DCAF4L2: variants seen among roughly 807,000 people sequenced by gnomAD.
DCAF4L2 encodes the protein DDB1- and CUL4-associated factor 4-like protein 2.
In DCAF4L2, 13 loss-of-function variants were observed where a neutral mutation model predicts 15.5. That is an observed-to-expected ratio of 0.84 (90% CI 0.54 to 1.33). DCAF4L2 has a LOEUF of 1.33. Ranked by LOEUF, DCAF4L2 falls within the 40% of genes most tolerant of loss-of-function variation. DCAF4L2 has a pLI of 0.00. For missense variants in DCAF4L2, 519 were observed against 509.6 expected, an observed-to-expected ratio of 1.02 and a Z score of -0.18; for synonymous variants, 251 against 207.0, an observed-to-expected ratio of 1.21 and a Z score of -1.83.
rs1809444715 is a variant in DCAF4L2, at chr8:87,873,604, G to A, written c.368C>T (p.Pro123Leu). 3 of 1,614,226 alleles carry A rather than the reference G, an allele frequency of 1.9e-6. No homozygotes were observed. The highest frequency in any genetic ancestry group is 2.2e-5 in the South Asian group (2 of 91,084). The change falls in exon 1 of 1, where the codon CCT becomes CTT. Residue 123 changes from proline to leucine, a missense_variant. Physicochemically the swap from Pro to Leu is moderately conservative, Grantham distance 98. Transcript: ENST00000319675. Reference protein sequence around the residue: ...RVYPHKTLYVPNRKVNSMCWA... With the variant: ...RVYPHKTLYVLNRKVNSMCWA... Reference sequence around the variant, plus strand: ...GCACATAGAATTCACCTTCCGATTAGGGACGTAGAGGGTTTTGTGCGGGTA... The same window carrying A: ...GCACATAGAATTCACCTTCCGATTAAGGACGTAGAGGGTTTTGTGCGGGTA...
In DCAF4L2 at chr8:87,871,115, A is replaced by G. The variant is rs1271337442; in HGVS notation, c.*1669T>C. 1 of 151,890 alleles carries G rather than the reference A, an allele frequency of 6.6e-6. No individual in the cohort carries two copies. Among genetic ancestry groups the G allele is most frequent in the Non-Finnish European group, 1.5e-5 (1 of 68,012 alleles). The allele number at this position is 151,890 out of a possible 1,614,324, so 9.4% of individuals were successfully genotyped here. A position where few individuals can be genotyped will look rare whatever the true frequency, so the allele number is the denominator to read the frequency against. On this transcript the variant is annotated 3_prime_UTR_variant, in exon 1 of 1. Transcript: ENST00000319675. ...TTGACCTATTCCTCTATCAATATGTAATATTACATTAACCTCATTTATGTC... is the reference window on the plus strand; with the variant it reads ...TTGACCTATTCCTCTATCAATATGTGATATTACATTAACCTCATTTATGTC...
At position 87,873,699 on chromosome 8, in the gene DCAF4L2, T is replaced by C. The variant is rs1463339830; in HGVS notation, c.273A>G (p.Gln91=). ...CGTACTTGGAGCCTCCAGCTTCGAC[T>C]TGGTTCACTGTGAAGAGCTGGTCAG... ...TNTDQLFTVN[Q]VEAGGSKYGI... Residue 91 remains glutamine, a synonymous_variant, in exon 1 of 1, where the codon CAA becomes CAG. Coordinates refer to ENST00000319675, the MANE Select transcript of DCAF4L2 (RefSeq NM_152418.4). 1.2e-6 allele frequency: 2 copies of C among 1,614,200 alleles called. No homozygotes were observed. The highest frequency in any genetic ancestry group is 8.5e-7 in the Non-Finnish European group (1 of 1,180,036).
Position 87,873,166 on chromosome 8 carries a change from T to G in DCAF4L2, c.806A>C (p.His269Pro), listed in dbSNP as rs551710574. The change falls in exon 1 of 1, where the codon CAT becomes CCT. Residue 269 changes from histidine (H) to proline (P), a missense_variant. Coordinates refer to ENST00000319675, the MANE Select transcript of DCAF4L2 (RefSeq NM_152418.4). ...GSGWKAICLS[H>P]DSAVTSLQIL... ...TTGCAGAGAAGTCACTGCTGAATCA[T>G]GGGACAGGCAAATGGCCTTCCACCC... is the stretch of plus-strand genomic sequence containing the variant. 17 of 1,614,072 alleles carry G rather than the reference T, an allele frequency of 1.1e-5. No homozygotes were observed. Among genetic ancestry groups the G allele is most frequent in the Non-Finnish European group, 1.4e-5 (17 of 1,180,042 alleles).
Position 87,871,699 on chromosome 8 carries a change from G to C in DCAF4L2, c.*1085C>G, listed in dbSNP as rs185162008. The C allele has an allele frequency of 1.3e-5, 2 of 151,940 alleles. No individual in the cohort carries two copies. Among genetic ancestry groups the C allele is most frequent in the South Asian group, 4.2e-4 (2 of 4,798 alleles). The allele number at this position is 151,940 out of a possible 1,614,324, so 9.4% of individuals were successfully genotyped here. A position where few individuals can be genotyped will look rare whatever the true frequency, so the allele number is the denominator to read the frequency against. ...TGTAATCACCATAGATAAGTTTTTA[G>C]TGCTTTGGAACTTTAGAACTGAATC... On this transcript the variant is annotated 3_prime_UTR_variant, in exon 1 of 1. Transcript: ENST00000319675.
In DCAF4L2 at chr8:87,873,504, G is replaced by A. The variant is rs796539289; in HGVS notation, c.468C>T (p.Ala156=). Residue 156 remains alanine (A), a synonymous_variant, in exon 1 of 1, where the codon GCC becomes GCT. Coordinates refer to ENST00000319675, the MANE Select transcript of DCAF4L2 (RefSeq NM_152418.4). ...FVGLADTPSC[A]VLLPASLFIG... is the part of the protein sequence containing the mutation. Reference sequence around the variant, plus strand: ...TGAACAGCGACGCTGGGAGCAGCACGGCACAGCTTGGAGTATCTGCAAGTC... The same window carrying A: ...TGAACAGCGACGCTGGGAGCAGCACAGCACAGCTTGGAGTATCTGCAAGTC... 6.8e-6 allele frequency: 11 copies of A among 1,614,186 alleles called. No homozygotes were observed. The highest frequency in any genetic ancestry group is 2.2e-5 in the South Asian group (2 of 91,090).
At position 87,872,325 on chromosome 8, in the gene DCAF4L2, T is replaced by A. The variant is rs925798403; in HGVS notation, c.*459A>T. The A allele has an allele frequency of 6.5e-6, 1 of 153,292 alleles. No homozygotes were observed. The highest frequency in any genetic ancestry group is 2.4e-5 in the African/African-American group (1 of 41,380). 9.5% of individuals were successfully genotyped at this position (153,292 alleles called of 1,614,324 possible). Reference sequence around the variant, plus strand: ...TCTGGAGAGACTCAGATAAATGACCTCCCCCTCCTCTCCTCTCCCACTGGC... The same window carrying A: ...TCTGGAGAGACTCAGATAAATGACCACCCCCTCCTCTCCTCTCCCACTGGC... On this transcript the variant is annotated 3_prime_UTR_variant, in exon 1 of 1. Transcript: ENST00000319675.
rs1809435757 is a variant in DCAF4L2 at position 87,873,299 on chromosome 8, T to A, written c.673A>T (p.Ser225Cys). ...GCAAACTGCTGGGCCAAGACATCACTGCTAGTCCCAAATGACTGCTGGTGT... is the reference window on the plus strand; with the variant it reads ...GCAAACTGCTGGGCCAAGACATCACAGCTAGTCCCAAATGACTGCTGGTGT... ...TGHQQSFGTSSDVLAQQFAIM... is the reference protein window; with the variant it reads ...TGHQQSFGTSCDVLAQQFAIM... Residue 225 changes from serine to cysteine, a missense_variant, in exon 1 of 1, where the codon AGT becomes TGT. Ser to Cys is a moderately radical substitution (Grantham distance 112, BLOSUM62 -1). Transcript: ENST00000319675. 1 of 1,614,176 alleles carries A rather than the reference T, an allele frequency of 6.2e-7. No individual in the cohort carries two copies.
chr8:87,872,767 G>C lies in DCAF4L2; in HGVS notation c.*17C>G, dbSNP rs745768625. ...TTTAAGTCAAATCCACGTTCCTCCGGGCTGCATCCTGAAGAATTAACCGTA... is the reference window on the plus strand; with the variant it reads ...TTTAAGTCAAATCCACGTTCCTCCGCGCTGCATCCTGAAGAATTAACCGTA... On this transcript the variant is annotated 3_prime_UTR_variant, in exon 1 of 1. Transcript: ENST00000319675. 3.9e-5 allele frequency: 60 copies of C among 1,541,448 alleles called. No homozygotes were observed. In the African/African-American group the frequency reaches 6.4e-4, roughly 16 times the overall value.
At position 87,873,448 on chromosome 8, in the gene DCAF4L2, C is replaced by T; in HGVS notation, c.524G>A (p.Gly175Asp). ...AGGGATCTGGAAACTGCAAAGCATGCCAGGCCGACGCATTCCTGGGAAGCT... is the reference window on the plus strand; with the variant it reads ...AGGGATCTGGAAACTGCAAAGCATGTCAGGCCGACGCATTCCTGGGAAGCT... ...IGSFPGMRRP[G>D]MLCSFQIPDA... is the part of the protein sequence containing the mutation. Residue 175 changes from glycine (G) to aspartate (D), a missense_variant, in exon 1 of 1, where the codon GGC becomes GAC. Gly to Asp is a moderately conservative substitution (Grantham distance 94). Transcript: ENST00000319675. 5 of 1,614,186 alleles carry T rather than the reference C, an allele frequency of 3.1e-6. No individual in the cohort carries two copies. The highest frequency in any genetic ancestry group is 4.2e-6 in the Non-Finnish European group (5 of 1,180,044).
In DCAF4L2 at chr8:87,873,615, G is replaced by A. The variant is rs1809445079; in HGVS notation, c.357C>T (p.Thr119=). ...TCACCTTCCGATTAGGGACGTAGAG[G>A]GTTTTGTGCGGGTATACCCGGAGCT... The part of the protein sequence containing the change: ...TPELRVYPHK[T]LYVPNRKVNS... The change falls in exon 1 of 1, where the codon ACC becomes ACT. Residue 119 remains threonine (T), a synonymous_variant. Transcript: ENST00000319675. 1 of 1,614,192 alleles carries A rather than the reference G, an allele frequency of 6.2e-7. No individual in the cohort carries two copies. Among genetic ancestry groups the A allele is most frequent in the Non-Finnish European group, 8.5e-7 (1 of 1,180,040 alleles).
chr8:87,873,616 G>C lies in DCAF4L2; in HGVS notation c.356C>G (p.Thr119Ser), dbSNP rs753844924. ...CACCTTCCGATTAGGGACGTAGAGGGTTTTGTGCGGGTATACCCGGAGCTC... is the reference window on the plus strand; with the variant it reads ...CACCTTCCGATTAGGGACGTAGAGGCTTTTGTGCGGGTATACCCGGAGCTC... ...TPELRVYPHKTLYVPNRKVNS... is the reference protein window; with the variant it reads ...TPELRVYPHKSLYVPNRKVNS... The change falls in exon 1 of 1, where the codon ACC becomes AGC. Residue 119 changes from threonine (T) to serine (S), a missense_variant. By Grantham distance (58) the Thr-to-Ser change is moderately conservative. Transcript: ENST00000319675. The C allele has an allele frequency of 6.2e-7, 1 of 1,614,204 alleles. No homozygotes were observed. Among genetic ancestry groups the C allele is most frequent in the Admixed American group, 1.7e-5 (1 of 60,026 alleles).
chr8:87,872,627 C>T lies in DCAF4L2; in HGVS notation c.*157G>A, dbSNP rs1809419693. On this transcript the variant is annotated 3_prime_UTR_variant, in exon 1 of 1. Coordinates refer to ENST00000319675, the MANE Select transcript of DCAF4L2 (RefSeq NM_152418.4). Reference sequence around the variant, plus strand: ...GTTTAACTGAAACAACTTTACAGAACTATCTTCACATAAAACAGCACCTTA... The same window carrying T: ...GTTTAACTGAAACAACTTTACAGAATTATCTTCACATAAAACAGCACCTTA... 1.4e-6 allele frequency: 1 copy of T among 699,410 alleles called. No homozygotes were observed. The highest frequency in any genetic ancestry group is 2.2e-6 in the Non-Finnish European group (1 of 446,550). 43.3% of individuals were successfully genotyped at this position (699,410 alleles called of 1,614,324 possible). A position where few individuals can be genotyped will look rare whatever the true frequency, so the allele number is the denominator to read the frequency against.
At position 87,873,588 on chromosome 8, in the gene DCAF4L2, A is replaced by C. The variant is rs774993848; in HGVS notation, c.384T>G (p.Asn128Lys). The C allele has an allele frequency of 6.8e-5, 110 of 1,613,986 alleles. No individual in the cohort carries two copies. Among genetic ancestry groups the C allele is most frequent in the Non-Finnish European group, 8.9e-5 (105 of 1,180,018 alleles). ...GATTCAGTGAGGCCCAGCACATAGA[A>C]TTCACCTTCCGATTAGGGACGTAGA... Reference protein sequence around the residue: ...KTLYVPNRKVNSMCWASLNHL... With the variant: ...KTLYVPNRKVKSMCWASLNHL... The change falls in exon 1 of 1, where the codon AAT becomes AAG. Residue 128 changes from asparagine (N) to lysine (K), a missense_variant. Transcript: ENST00000319675.
rs1809408916 is a variant in DCAF4L2 at position 87,872,106 on chromosome 8, G to C, written c.*678C>G. On this transcript the variant is annotated 3_prime_UTR_variant, in exon 1 of 1. Coordinates refer to ENST00000319675, the MANE Select transcript of DCAF4L2 (RefSeq NM_152418.4). Reference sequence around the variant, plus strand: ...ATTCAAGTCACAATAATAGAAACCGGAGCTGCTGTACCTTACATTCTGGAA... The same window carrying C: ...ATTCAAGTCACAATAATAGAAACCGCAGCTGCTGTACCTTACATTCTGGAA... 1 of 166,290 alleles carries C rather than the reference G, an allele frequency of 6.0e-6. No individual in the cohort carries two copies. The highest frequency in any genetic ancestry group is 2.4e-5 in the African/African-American group (1 of 41,390). 10.3% of individuals were successfully genotyped at this position (166,290 alleles called of 1,614,324 possible).
At position 87,873,823 on chromosome 8, in the gene DCAF4L2, C is replaced by A; in HGVS notation, c.149G>T (p.Arg50Leu). ...CTTTTTCCTCTGCATGCAGCTTACA[C>A]GCAGCTCGCGAGCTATACGGCAATA... ...ANYCRIAREL[R>L]VSCMQRKKVQ... The change falls in exon 1 of 1, where the codon CGT (arginine) becomes CTT (leucine). Residue 50 changes from arginine to leucine, a missense_variant. Coordinates refer to ENST00000319675, the MANE Select transcript of DCAF4L2 (RefSeq NM_152418.4). The A allele has an allele frequency of 6.2e-7, 1 of 1,614,122 alleles. No homozygotes were observed. The highest frequency in any genetic ancestry group is 1.1e-5 in the South Asian group (1 of 91,080).
At position 87,873,650 on chromosome 8, in the gene DCAF4L2, T is replaced by C. The variant is rs1401028454; in HGVS notation, c.322A>G (p.Thr108Ala). The stretch of plus-strand genomic sequence containing the variant: ...GGGTATACCCGGAGCTCAGGGGTCG[T>C]CAGGCCTCGCATGGTGATGATGCCG... The part of the protein sequence containing the change: ...KYGIITMRGL[T>A]TPELRVYPHK... Residue 108 changes from threonine (T) to alanine (A), a missense_variant, in exon 1 of 1, where the codon ACG becomes GCG. By Grantham distance (58) the Thr-to-Ala change is moderately conservative. Coordinates refer to ENST00000319675, the MANE Select transcript of DCAF4L2 (RefSeq NM_152418.4). The C allele has an allele frequency of 6.2e-7, 1 of 1,614,166 alleles. No individual in the cohort carries two copies. Among genetic ancestry groups the C allele is most frequent in the South Asian group, 1.1e-5 (1 of 91,084 alleles).
At position 87,873,015 on chromosome 8, in the gene DCAF4L2, G is replaced by A. The variant is rs143361209; in HGVS notation, c.957C>T (p.Pro319=). ...EGHVNNSAYL[P]VHVNEEEGVV... ...CTCCTTCTTCTTCGTTCACATGCAC[G>A]GGTAGGTAGGCGGAGTTATTCACAT... is the stretch of plus-strand genomic sequence containing the variant. The change falls in exon 1 of 1, where the codon CCC becomes CCT. Residue 319 remains proline (P), a synonymous_variant. Transcript: ENST00000319675. The A allele has an allele frequency of 1.9e-6, 3 of 1,614,162 alleles. No homozygotes were observed. Among genetic ancestry groups the A allele is most frequent in the South Asian group, 1.1e-5 (1 of 91,076 alleles).
chr8:87,872,821 G>A lies in DCAF4L2; in HGVS notation c.1151C>T (p.Ala384Val). 6.2e-7 allele frequency: 1 copy of A among 1,609,082 alleles called. No homozygotes were observed. The highest frequency in any genetic ancestry group is 8.5e-7 in the Non-Finnish European group (1 of 1,177,446). Reference sequence around the variant, plus strand: ...GAAACAATAAAGGTCCTCCCGGACAGCCATGAGCAGCCCTGGTGCTCCTCG... The same window carrying A: ...GAAACAATAAAGGTCCTCCCGGACAACCATGAGCAGCCCTGGTGCTCCTCG... ...GFRGAPGLLM[A>V]VREDLYCFSY... The change falls in exon 1 of 1, where the codon GCT becomes GTT. Residue 384 changes from alanine (A) to valine (V), a missense_variant. Transcript: ENST00000319675.
rs35671460 is a variant in DCAF4L2, at chr8:87,872,501, T to TA, written c.*282dup. The TA allele has an allele frequency of 0.013, 2,429 of 194,036 alleles. 5 individuals carry two copies. The highest frequency in any genetic ancestry group is 0.02 in the Middle Eastern group (10 of 512). The allele number at this position is 194,036 out of a possible 1,614,324, so 12.0% of individuals were successfully genotyped here. ...AGTCCTTAGAAAAGTGTTTTTTTGT[T>TA]AAAAAAAAAAAAAAAGGGGGGGATA... On this transcript the variant is annotated 3_prime_UTR_variant, in exon 1 of 1. Transcript: ENST00000319675.
Sources: allele counts gnomAD v4.1 joint callset, GRCh38; gene constraint gnomAD v4.1.1; transcripts MANE v1.5; gene names NCBI Gene and HGNC (gene_info 2026-07-23, HGNC 2026-07-21).